Variants in CEMIP2 observed in about 807,000 individuals in gnomAD.
CEMIP2 encodes the protein cell migration inducing hyaluronidase 2.
CEMIP2 carries 79 observed loss-of-function variants against 146.9 expected under a neutral mutation model. The observed-to-expected ratio is 0.54, with a 90% CI of 0.45 to 0.65. CEMIP2 has a LOEUF of 0.65. CEMIP2 is among the 30% of genes least tolerant of loss of function. The pLI, the probability that CEMIP2 is intolerant of heterozygous loss-of-function variation, is 0.00. For missense variants in CEMIP2, 1,596 were observed against 1,696.2 expected, an observed-to-expected ratio of 0.94 and a Z score of 1.04; for synonymous variants, 601 against 606.3, an observed-to-expected ratio of 0.99 and a Z score of 0.13.
At position 71,704,798 on chromosome 9, in the gene CEMIP2, A is replaced by G. The variant is rs1159790795; in HGVS notation, c.2991T>C (p.Tyr997=). ...VICSGTYAQV[Y]VQTWSTQNLS... ...GATTCTGAGTGCTCCATGTCTGTAC[A>G]TAGACCTTGAAAAAATAATCAAGAA... The change falls in exon 18 of 24, where the codon TAT becomes TAC. Residue 997 remains tyrosine (Y), a synonymous_variant. Coordinates refer to ENST00000377044, the MANE Select transcript of CEMIP2 (RefSeq NM_013390.3). The G allele has an allele frequency of 6.2e-7, 1 of 1,612,850 alleles. No individual in the cohort carries two copies. Among genetic ancestry groups the G allele is most frequent in the Admixed American group, 1.7e-5 (1 of 59,924 alleles).
chr9:71,732,645 A>C, intron 6 of CEMIP2, 125 bp from the exon 7 acceptor site: 1 of 661,712 alleles, frequency 1.5e-6, no homozygotes, highest in Non-Finnish European at 2.1e-6. Context: ...ATCTGCTCCC[A>C]TTCTCTGACA....
intron 22 of CEMIP2, chr9:71,686,149 AGTT>A: frequency 3.8e-6 from 1 of 266,222 alleles, no homozygotes; most frequent in Non-Finnish European, 7.2e-6. Flanking sequence ...TTAGGAACCA[AGTT>A]GCACAGCAGG....
chr9:71,716,417 T>TA (rs1263682697), intron 14 of CEMIP2, 100 bp downstream of exon 14: 63 of 1,032,810 alleles, frequency 6.1e-5, no homozygotes, highest in Middle Eastern at 2.4e-4. Context: ...TTTTTTATGT[T>TA]AAAAAAAATA....
chr9:71,725,476 T>A (rs1823355522), intron 11 of CEMIP2, 105 bp downstream of exon 11: 2 of 1,250,184 alleles, frequency 1.6e-6, no homozygotes, highest in East Asian at 4.9e-5. Context: ...AACTAGTCTG[T>A]GATATTCTAC....
chr9:71,738,710 T>C (rs1490860798), intron 5 of CEMIP2, among the ~76,000 whole-genome samples: 1 of 151,750 alleles, frequency 6.6e-6, no homozygotes, highest in Non-Finnish European at 1.5e-5. Context: ...TGGTGGTGGG[T>C]ACCTGTAACA....
chr9:71,749,423 C>T (rs553429518), intron 2 of CEMIP2, among the ~76,000 whole-genome samples: 5 of 151,270 alleles, frequency 3.3e-5, no homozygotes, highest in East Asian at 1.9e-4. Flanking sequence ...AAAAAACTTG[C>T]GGCCGGGCAT....
intron 17 of CEMIP2, among the ~76,000 whole-genome samples, chr9:71,706,880 G>T (rs769594828): frequency 9.2e-5 from 14 of 152,114 alleles, no homozygotes; most frequent in Non-Finnish European, 1.5e-4. Context: ...CCAGGCTGGA[G>T]TGCAATGGCA....
chr9:71,712,290 A>T, intron 15 of CEMIP2, 30 bp from the exon 16 acceptor site: 1 of 1,606,152 alleles, frequency 6.2e-7, no homozygotes, highest in Non-Finnish European at 8.5e-7. Context: ...TGTTTAATGC[A>T]TATGGGCTGT....
intron 10 of CEMIP2, among the ~76,000 whole-genome samples, chr9:71,728,953 C>T (rs903390643): frequency 6.6e-6 from 1 of 151,862 alleles, no homozygotes; most frequent in African/African-American, 2.4e-5. Flanking sequence ...ACCCCAGCCT[C>T]CCAAGTCGCT....
intron 1 of CEMIP2, among the ~76,000 whole-genome samples, chr9:71,759,828 T>TGGGGGGGGGGGGGGGGGGGGG (rs34134528): frequency 1.6e-5 from 1 of 60,728 alleles, no homozygotes. Flanking sequence ...TACGGGGAGG[T>TGGGGGGGGGGGGGGGGGGGGG]GGGGGGGGGA....
chr9:71,758,255 AC>A (rs1175915190), intron 1 of CEMIP2, among the ~76,000 whole-genome samples: 2 of 152,194 alleles, frequency 1.3e-5, no homozygotes, highest in South Asian at 2.1e-4. Flanking sequence ...AGAATTGAAA[AC>A]CCTTAGACCT....
At chr9:71,724,901 C>T (rs1275384672) in intron 11 of CEMIP2, among the ~76,000 whole-genome samples, 2 of 151,904 alleles carry the variant, frequency 1.3e-5, no homozygotes, top group Non-Finnish European at 2.9e-5. Context: ...CAGGTAACGA[C>T]ATTAAAGATT....
At chr9:71,686,685 G>A (rs1301595170) in intron 22 of CEMIP2, 1 of 152,030 alleles carries the variant, frequency 6.6e-6, no homozygotes, top group Non-Finnish European at 1.5e-5. Context: ...ATAAATTTGT[G>A]AGGCACAAGT....
intron 19 of CEMIP2, among the ~76,000 whole-genome samples, chr9:71,698,899 A>G (rs990818554): frequency 2.0e-5 from 3 of 152,200 alleles, no homozygotes; most frequent in Admixed American, 2.0e-4. Flanking sequence ...TTCTAAAAAA[A>G]CTTGATCAAG....
At chr9:71,759,096 A>G (rs1483063206) in intron 1 of CEMIP2, among the ~76,000 whole-genome samples, 1 of 152,104 alleles carries the variant, frequency 6.6e-6, no homozygotes, top group Non-Finnish European at 1.5e-5. Flanking sequence ...AAATGCACCA[A>G]CTCTTAATTA....
chr9:71,741,812 T>C (rs538858104), intron 4 of CEMIP2, among the ~76,000 whole-genome samples: 1 of 151,874 alleles, frequency 6.6e-6, no homozygotes, highest in South Asian at 2.1e-4. Flanking sequence ...CTAATTTTTG[T>C]ATTTTTAATT....
chr9:71,756,087 G>A (rs528549882), intron 1 of CEMIP2, among the ~76,000 whole-genome samples: 3 of 150,098 alleles, frequency 2.0e-5, no homozygotes, highest in Non-Finnish European at 4.4e-5. Flanking sequence ...GACCAGGAGT[G>A]ATTGGTATTC....
chr9:71,716,696 A>G (rs555419229), intron 13 of CEMIP2, 144 bp from the exon 14 acceptor site: 89 of 563,254 alleles, frequency 1.6e-4, no homozygotes, highest in African/African-American at 1.5e-3. Context: ...TGATTTCACA[A>G]TAACTAGGAG....
At chr9:71,722,184 C>T (rs1823251044) in intron 12 of CEMIP2, among the ~76,000 whole-genome samples, 1 of 152,164 alleles carries the variant, frequency 6.6e-6, no homozygotes, top group Non-Finnish European at 1.5e-5. Flanking sequence ...GCAACTCTCT[C>T]TAGCATCTAT....
Sources: allele counts gnomAD v4.1 joint callset (sites outside exome capture counted in the v4.1 genomes callset), GRCh38; gene constraint gnomAD v4.1.1; transcripts MANE v1.5; gene names NCBI Gene and HGNC (gene_info 2026-07-23, HGNC 2026-07-21).